Variants in CATSPERT observed in about 807,000 individuals in gnomAD.
CATSPERT encodes the protein catsper channel auxiliary subunit tau.
At chr2:201,512,583 T>C in the CATSPERT span, among the ~76,000 whole-genome samples, 1 of 152,208 alleles carries the variant, frequency 6.6e-6, no homozygotes, top group African/African-American at 2.4e-5. Context: ...CATAAATCTC[T>C]AAAAATTCAT....
chr2:201,493,229 G>A, the CATSPERT span: 22 of 1,536,162 alleles, frequency 1.4e-5, no homozygotes, highest in Non-Finnish European at 1.7e-5. Context: ...TCTTTACAAA[G>A]CCTCTGACCA....
chr2:201,534,760 G>A, the CATSPERT span: 1 of 948,596 alleles, frequency 1.1e-6, no homozygotes. Flanking sequence ...CAGATCCACA[G>A]ATCTAAATAA....
At chr2:201,589,412 G>A in the CATSPERT span, among the ~76,000 whole-genome samples, 4 of 152,032 alleles carry the variant, frequency 2.6e-5, no homozygotes, top group Non-Finnish European at 5.9e-5. Flanking sequence ...CAGACACATA[G>A]ACCAAAGGAA....
At chr2:201,596,350 TC>T in the CATSPERT span, among the ~76,000 whole-genome samples, 180 of 152,270 alleles carry the variant, frequency 1.2e-3, 1 homozygote, top group African/African-American at 4.1e-3. Flanking sequence ...CTACATGTTC[TC>T]ACTTATAGGT....
chr2:201,491,849 CTGTTT>C, the CATSPERT span: 1 of 1,536,942 alleles, frequency 6.5e-7, no homozygotes, highest in East Asian at 2.4e-5. Context: ...TCTTGAATCT[CTGTTT>C]TATGAACAGA....
At chr2:201,561,877 A>G in the CATSPERT span, among the ~76,000 whole-genome samples, 1 of 151,102 alleles carries the variant, frequency 6.6e-6, no homozygotes, top group Non-Finnish European at 1.5e-5. Flanking sequence ...CCATCTCAAA[A>G]AAAAGGAAAG....
chr2:201,581,573 T>C, the CATSPERT span, among the ~76,000 whole-genome samples: 23 of 78,150 alleles, frequency 2.9e-4, 5 homozygotes, highest in South Asian at 8.8e-4. Context: ...TATATATATA[T>C]ATATATATAT....
At chr2:201,514,423 A>G in the CATSPERT span, among the ~76,000 whole-genome samples, 1 of 152,236 alleles carries the variant, frequency 6.6e-6, no homozygotes, top group Non-Finnish European at 1.5e-5. Flanking sequence ...ATACTAATAT[A>G]CTAAAAAACA....
chr2:201,612,951 T>C, the CATSPERT span, among the ~76,000 whole-genome samples: 1 of 152,114 alleles, frequency 6.6e-6, no homozygotes, highest in African/African-American at 2.4e-5. Context: ...CTTTGCTCCC[T>C]GCTAGCACAG....
At chr2:201,527,830 T>C in the CATSPERT span, among the ~76,000 whole-genome samples, 1 of 152,050 alleles carries the variant, frequency 6.6e-6, no homozygotes, top group Non-Finnish European at 1.5e-5. Context: ...GGAAACACCA[T>C]TCTGGACATA....
the CATSPERT span, among the ~76,000 whole-genome samples, chr2:201,542,618 AAC>A: frequency 3.2e-4 from 48 of 152,300 alleles, no homozygotes; most frequent in South Asian, 2.5e-3. Flanking sequence ...AATGATGATA[AAC>A]AGTTTTTGTA....
the CATSPERT span, chr2:201,550,707 A>C: frequency 2.0e-5 from 3 of 152,104 alleles, no homozygotes; most frequent in African/African-American, 4.8e-5. Flanking sequence ...TAAAACAACA[A>C]ACTTGATTTC....
the CATSPERT span, among the ~76,000 whole-genome samples, chr2:201,601,048 C>A: frequency 2.9e-5 from 1 of 34,040 alleles, no homozygotes; most frequent in African/African-American, 4.5e-5. Context: ...CTGCGCCCAG[C>A]CATTTTTTAA....
At chr2:201,558,776 C>A in the CATSPERT span, among the ~76,000 whole-genome samples, 1 of 152,176 alleles carries the variant, frequency 6.6e-6, no homozygotes, top group South Asian at 2.1e-4. Context: ...CAGCACAGTG[C>A]CATCTTGAAG....
chr2:201,602,354 G>A, the CATSPERT span, among the ~76,000 whole-genome samples: 1 of 151,992 alleles, frequency 6.6e-6, no homozygotes, highest in Non-Finnish European at 1.5e-5. Context: ...GAATGCTACA[G>A]AGTAAAACAA....
At chr2:201,519,978 A>C in the CATSPERT span, among the ~76,000 whole-genome samples, 2 of 152,228 alleles carry the variant, frequency 1.3e-5, no homozygotes, top group Non-Finnish European at 2.9e-5. Flanking sequence ...AGAAAAAGAT[A>C]TTCCACACAA....
the CATSPERT span, among the ~76,000 whole-genome samples, chr2:201,584,589 C>G: frequency 2.0e-5 from 3 of 151,922 alleles, no homozygotes; most frequent in African/African-American, 7.3e-5. Context: ...TCGAGACCAG[C>G]CTGACCAACA....
chr2:201,500,683 T>C, the CATSPERT span, among the ~76,000 whole-genome samples: 1 of 152,152 alleles, frequency 6.6e-6, no homozygotes, highest in Non-Finnish European at 1.5e-5. Context: ...ATGCTGAAGA[T>C]GGCTGTCCAT....
At chr2:201,589,968 T>TTTATTTA in the CATSPERT span, among the ~76,000 whole-genome samples, 1 of 151,072 alleles carries the variant, frequency 6.6e-6, no homozygotes, top group African/African-American at 2.4e-5. Flanking sequence ...ATACTTTTCT[T>TTTATTTA]TTTATTTATT....
Sources: gnomAD v4.1 joint callset for allele counts (sites outside exome capture counted in the v4.1 genomes callset) on GRCh38, gnomAD v4.1.1 for gene constraint, MANE v1.5 for transcripts, NCBI Gene and HGNC (gene_info 2026-07-23, HGNC 2026-07-21) for gene names.